Variants in KDM2B observed in about 807,000 individuals in gnomAD.
KDM2B encodes the protein lysine-specific demethylase 2B.
In KDM2B, 26 loss-of-function variants were observed where a neutral mutation model predicts 150.0. The ratio of observed to expected loss-of-function variants is 0.17; its 90% CI spans 0.13 to 0.24. The LOEUF is 0.24. Among genes scored for constraint, KDM2B ranks in the 10% least tolerant of loss-of-function variants. The pLI, the probability that KDM2B is intolerant of heterozygous loss-of-function variation, is 1.00. For synonymous variants in KDM2B, 734 were observed against 729.5 expected (o/e 1.01, Z -0.10); for missense variants, 1,265 against 1,816.9 (o/e 0.70, Z 5.52).
intron 4 of KDM2B, among the ~76,000 whole-genome samples, chr12:121,564,996 C>A (rs1594139238): frequency 6.6e-6 from 1 of 151,940 alleles, no homozygotes; most frequent in Non-Finnish European, 1.5e-5. Context: ...CCACACCCAG[C>A]TGATTTTTGT....
intron 11 of KDM2B, among the ~76,000 whole-genome samples, chr12:121,501,139 T>G (rs993167537): frequency 6.6e-6 from 1 of 152,124 alleles, no homozygotes; most frequent in Admixed American, 6.6e-5. Context: ...AATCCTGAAT[T>G]TAGGGTAGAC....
In KDM2B at chr12:121,509,735, G is replaced by A. The variant is rs1555303558; in HGVS notation, c.1479C>T (p.Thr493=). ...CCTCCGTGGCGGGAGAGCCGGTGGG[G>A]GTCTTGGGGTAGTCTACGGCCAATG... ...STTLAVDYPK[T]PTGSPATEVS... is the part of the protein sequence containing the mutation. The change falls in exon 11 of 23, where the codon ACC becomes ACT. Residue 493 remains threonine, a synonymous_variant. Transcript: ENST00000377071. The A allele has an allele frequency of 1.9e-6, 3 of 1,614,122 alleles. No homozygotes were observed. Among genetic ancestry groups the A allele is most frequent in the Admixed American group, 1.7e-5 (1 of 60,018 alleles).
At position 121,439,914 on chromosome 12, in the gene KDM2B, G is replaced by C. The variant is rs781801593; in HGVS notation, c.3772C>G (p.Leu1258Val). 2 of 1,614,262 alleles carry C rather than the reference G, an allele frequency of 1.2e-6. No individual in the cohort carries two copies. The highest frequency in any genetic ancestry group is 1.7e-6 in the Non-Finnish European group (2 of 1,180,038). Residue 1258 changes from leucine to valine, a missense_variant, in exon 22 of 23, where the codon CTG becomes GTG. Coordinates refer to ENST00000377071, the MANE Select transcript of KDM2B (RefSeq NM_032590.5). ...GTGGTGGTGCCAACAGCAGTGAGCA[G>C]GTTGATAGACTGGTCGGTGACGTGG... ...CNHVTDQSIN[L>V]LTAVGTTTRD... is the part of the protein sequence containing the mutation.
downstream of KDM2B, among the ~76,000 whole-genome samples, chr12:121,427,302 C>G (rs1872554056): frequency 6.6e-6 from 1 of 152,158 alleles, no homozygotes; most frequent in South Asian, 2.1e-4. Flanking sequence ...CTTTAGGAGG[C>G]TGAGACCAGC....
At chr12:121,487,451 G>A (rs1012055704) in intron 12 of KDM2B, among the ~76,000 whole-genome samples, 3 of 152,146 alleles carry the variant, frequency 2.0e-5, no homozygotes, top group Admixed American at 6.6e-5. Context: ...ACCCTCCAAG[G>A]ATCAACTTGA....
chr12:121,554,284 A>G (rs553573512), intron 4 of KDM2B, among the ~76,000 whole-genome samples: 2 of 152,192 alleles, frequency 1.3e-5, no homozygotes, highest in East Asian at 3.9e-4. Flanking sequence ...TCTGTGACTT[A>G]TATTTCAATG....
intron 11 of KDM2B, among the ~76,000 whole-genome samples, chr12:121,504,379 G>GA (rs1884864153): frequency 6.6e-6 from 1 of 152,054 alleles, no homozygotes; most frequent in African/African-American, 2.4e-5. Flanking sequence ...TACAAATAAT[G>GA]AAAAAATTAA....
chr12:121,502,787 A>C (rs1030138944), intron 11 of KDM2B, among the ~76,000 whole-genome samples: 2 of 145,836 alleles, frequency 1.4e-5, no homozygotes, highest in Non-Finnish European at 1.5e-5. Flanking sequence ...AAAAAAAAAA[A>C]CTTAAATGAA....
At chr12:121,529,277 AG>A (rs782296635) in intron 8 of KDM2B, among the ~76,000 whole-genome samples, 11 of 152,252 alleles carry the variant, frequency 7.2e-5, no homozygotes, top group Non-Finnish European at 1.2e-4. Flanking sequence ...GACAAAATCC[AG>A]CATCCCTTTA....
chr12:121,432,767 G>A (rs547453373), intron 22 of KDM2B, among the ~76,000 whole-genome samples: 2 of 152,176 alleles, frequency 1.3e-5, no homozygotes, highest in South Asian at 2.1e-4. Flanking sequence ...CCCAGAATGC[G>A]TCTCATTCCT....
chr12:121,552,808 T>A (rs1411389930), intron 4 of KDM2B, among the ~76,000 whole-genome samples: 2 of 151,966 alleles, frequency 1.3e-5, no homozygotes, highest in African/African-American at 4.8e-5. Context: ...CCAGGGGGCA[T>A]CCCCGTTCTT....
chr12:121,437,509 A>G (rs1288943542), intron 22 of KDM2B, among the ~76,000 whole-genome samples: 4 of 63,748 alleles, frequency 6.3e-5, no homozygotes, highest in African/African-American at 8.5e-5. Context: ...TCCACATGGG[A>G]AAAAAAAAGA....
chr12:121,545,355 T>C (rs1414156652), intron 6 of KDM2B, among the ~76,000 whole-genome samples: 2 of 151,368 alleles, frequency 1.3e-5, no homozygotes, highest in Non-Finnish European at 2.9e-5. Context: ...CCTAGAAAAC[T>C]GGCAGTGTGT....
the KDM2B span, among the ~76,000 whole-genome samples, chr12:121,411,944 T>C: frequency 3.3e-4 from 50 of 152,324 alleles, no homozygotes; most frequent in South Asian, 0.01. Context: ...AGGTATTTTT[T>C]TCCCCAAAAA....
chr12:121,525,457 C>T (rs1307387517), intron 8 of KDM2B, among the ~76,000 whole-genome samples: 1 of 152,088 alleles, frequency 6.6e-6, no homozygotes, highest in African/African-American at 2.4e-5. Flanking sequence ...TTGGCCAAGC[C>T]GGTCTCTAAC....
At chr12:121,582,202 G>C (rs1452390990), upstream of KDM2B, among the ~76,000 whole-genome samples, 1 of 151,914 alleles carries the variant, frequency 6.6e-6, no homozygotes, top group African/African-American at 2.4e-5. Flanking sequence ...TTGCAAAGGA[G>C]GAAATTAGGA....
chr12:121,553,895 A>G (rs1194308592), intron 4 of KDM2B, among the ~76,000 whole-genome samples: 1 of 152,138 alleles, frequency 6.6e-6, no homozygotes, highest in African/African-American at 2.4e-5. Flanking sequence ...GAATATACTG[A>G]AAACAAGTGA....
intron 6 of KDM2B, among the ~76,000 whole-genome samples, chr12:121,535,358 G>A (rs1356087181): frequency 6.6e-6 from 1 of 152,194 alleles, no homozygotes; most frequent in Non-Finnish European, 1.5e-5. Flanking sequence ...AATGTGCAGA[G>A]TAGACAAATC....
At chr12:121,577,059 A>T (rs1178455188) in intron 2 of KDM2B, among the ~76,000 whole-genome samples, 3 of 152,220 alleles carry the variant, frequency 2.0e-5, no homozygotes, top group Non-Finnish European at 4.4e-5. Flanking sequence ...ATCCAGGCTA[A>T]GGGCTCCTGT....
Sources: allele counts gnomAD v4.1 joint callset (sites outside exome capture counted in the v4.1 genomes callset), GRCh38; gene constraint gnomAD v4.1.1; transcripts MANE v1.5; gene names NCBI Gene and HGNC (gene_info 2026-07-23, HGNC 2026-07-21).